The following SNAP25 variants were observed in gnomAD, a reference collection of about 807,000 sequenced individuals.
SNAP25 encodes the protein synaptosomal-associated protein 25.
A neutral mutation model predicts 28.7 loss-of-function variants in SNAP25; 3 were observed. The observed-to-expected ratio is 0.10, with a 90% CI of 0.05 to 0.27. The LOEUF (loss-of-function observed/expected upper bound fraction) is 0.27, where lower values mean the gene tolerates loss of function less well. Ranked by LOEUF, SNAP25 falls within the 10% of genes least tolerant of loss-of-function variation. The pLI is 1.00. For synonymous variants in SNAP25, 61 were observed against 88.1 expected, an observed-to-expected ratio of 0.69 and a Z score of 1.72; for missense variants, 117 against 278.7, an observed-to-expected ratio of 0.42 and a Z score of 4.13.
intron 1 of SNAP25, among the ~76,000 whole-genome samples, chr20:10,264,918 C>CTTTTTTTT (rs958711328): frequency 8.5e-5 from 10 of 117,126 alleles, no homozygotes; most frequent in African/African-American, 3.4e-4. Flanking sequence ...TCAGACCATG[C>CTTTTTTTT]TTTTTTTTTT....
intron 1 of SNAP25, among the ~76,000 whole-genome samples, chr20:10,272,231 G>A (rs1220746693): frequency 6.6e-6 from 1 of 152,124 alleles, no homozygotes; most frequent in African/African-American, 2.4e-5. Context: ...AAAAATGTTG[G>A]CCAGAACTTT....
At chr20:10,276,163 G>A (rs1284693719) in intron 2 of SNAP25, among the ~76,000 whole-genome samples, 1 of 152,158 alleles carries the variant, frequency 6.6e-6, no homozygotes, top group Non-Finnish European at 1.5e-5. Flanking sequence ...CTTAAAATCA[G>A]GCAGAGCTGG....
chr20:10,297,802 G>A (rs1022443701), intron 6 of SNAP25, among the ~76,000 whole-genome samples: 2 of 152,136 alleles, frequency 1.3e-5, no homozygotes, highest in African/African-American at 4.8e-5. Context: ...AGAGGAGCTG[G>A]GTGATATAGT....
intron 1 of SNAP25, among the ~76,000 whole-genome samples, chr20:10,274,880 T>C (rs2063660832): frequency 6.6e-6 from 1 of 151,968 alleles, no homozygotes; most frequent in Non-Finnish European, 1.5e-5. Context: ...AGCAGTTTTC[T>C]GGGCATAGAC....
chr20:10,292,933 A>G, intron 4 of SNAP25: 1 of 1,613,692 alleles, frequency 6.2e-7, no homozygotes, highest in Non-Finnish European at 8.5e-7. Context: ...CAAGACATGA[A>G]GGAGGCTGAG....
intron 1 of SNAP25, among the ~76,000 whole-genome samples, chr20:10,265,893 C>G (rs2063498389): frequency 6.6e-6 from 1 of 152,128 alleles, no homozygotes; most frequent in Admixed American, 6.5e-5. Flanking sequence ...TCCAATAAGT[C>G]TGGGGTGGAA....
chr20:10,306,921 C>T lies in SNAP25; in HGVS notation c.*724C>T, dbSNP rs1399814439. Reference sequence around the variant, plus strand: ...AAAGTGCAGTAGTGTCACTTTTTTCCTGTCAATATATAGAGACTTCTAAAT... The same window carrying T: ...AAAGTGCAGTAGTGTCACTTTTTTCTTGTCAATATATAGAGACTTCTAAAT... On this transcript the variant is annotated 3_prime_UTR_variant, in exon 8 of 8. Transcript: ENST00000254976. 1.3e-5 allele frequency: 2 copies of T among 153,134 alleles called. No homozygotes were observed. Among genetic ancestry groups the T allele is most frequent in the African/African-American group, 2.4e-5 (1 of 41,420 alleles). The allele number at this position is 153,134 out of a possible 1,614,324, so 9.5% of individuals were successfully genotyped here.
chr20:10,275,067 AT>A (rs201428047), intron 1 of SNAP25, among the ~76,000 whole-genome samples: 19,901 of 134,188 alleles, frequency 0.15, 1,455 homozygotes, highest in Admixed American at 0.22. Flanking sequence ...TAATAGAGCT[AT>A]TTAAATAAAT....
intron 1 of SNAP25, among the ~76,000 whole-genome samples, chr20:10,249,914 G>A (rs185507547): frequency 6.6e-6 from 1 of 152,208 alleles, no homozygotes; most frequent in East Asian, 1.9e-4. Flanking sequence ...AAACTTTAGT[G>A]ACCATCAGGA....
intron 2 of SNAP25, 128 bp from the exon 3 acceptor site, chr20:10,277,557 T>C: frequency 1.3e-6 from 1 of 747,528 alleles, no homozygotes; most frequent in Non-Finnish European, 2.2e-6. Flanking sequence ...TTGTTTCACT[T>C]GCCAACTGAA....
intron 1 of SNAP25, among the ~76,000 whole-genome samples, chr20:10,270,576 T>C (rs1010835584): frequency 9.9e-5 from 15 of 152,134 alleles, no homozygotes; most frequent in African/African-American, 3.6e-4. Context: ...GGCATGCACC[T>C]GTAATCCCAG....
At chr20:10,305,921 A>C (rs925892395) in intron 7 of SNAP25, among the ~76,000 whole-genome samples, 2 of 148,104 alleles carry the variant, frequency 1.4e-5, no homozygotes, top group African/African-American at 4.9e-5. Flanking sequence ...TCGTTCATTA[A>C]AAAAAAAAAA....
chr20:10,259,384 G>A (rs1417439631), intron 1 of SNAP25, among the ~76,000 whole-genome samples: 1 of 152,136 alleles, frequency 6.6e-6, no homozygotes, highest in Non-Finnish European at 1.5e-5. Flanking sequence ...AGGAGCAGAT[G>A]GTGTTTCTTC....
intron 7 of SNAP25, among the ~76,000 whole-genome samples, chr20:10,304,128 T>C (rs1377161554): frequency 6.6e-6 from 1 of 152,230 alleles, no homozygotes; most frequent in African/African-American, 2.4e-5. Context: ...ATGAATAGTG[T>C]GGACTCTGAC....
At chr20:10,284,921 C>A (rs1421369234) in intron 4 of SNAP25, 149 bp downstream of exon 4, 4 of 645,680 alleles carry the variant, frequency 6.2e-6, no homozygotes, top group African/African-American at 3.7e-5. Flanking sequence ...TGCTTTTTTT[C>A]TTTCTCTGTT....
At chr20:10,228,296 A>G (rs545514160) in intron 1 of SNAP25, among the ~76,000 whole-genome samples, 194 of 152,242 alleles carry the variant, frequency 1.3e-3, no homozygotes, top group Non-Finnish European at 1.6e-4. Context: ...TTTATTTTCC[A>G]TGGCAGCCTT....
intron 1 of SNAP25, among the ~76,000 whole-genome samples, chr20:10,235,485 G>C (rs2062902477): frequency 6.6e-6 from 1 of 152,222 alleles, no homozygotes; most frequent in Non-Finnish European, 1.5e-5. Flanking sequence ...AGACGTCAGT[G>C]TCGAGCTCTC....
intron 1 of SNAP25, among the ~76,000 whole-genome samples, chr20:10,250,578 G>C (rs1474997742): frequency 6.6e-6 from 1 of 152,082 alleles, no homozygotes; most frequent in Non-Finnish European, 1.5e-5. Flanking sequence ...ACGCTTAATG[G>C]GCAAAGTATG....
chr20:10,234,215 G>A (rs2062877442), intron 1 of SNAP25, among the ~76,000 whole-genome samples: 1 of 151,860 alleles, frequency 6.6e-6, no homozygotes, highest in African/African-American at 2.4e-5. Context: ...TCACAGTTCT[G>A]GAAAGGAAGA....
Sources: gnomAD v4.1 joint callset for allele counts (sites outside exome capture counted in the v4.1 genomes callset) on GRCh38, gnomAD v4.1.1 for gene constraint, MANE v1.5 for transcripts, NCBI Gene and HGNC (gene_info 2026-07-23, HGNC 2026-07-21) for gene names.